Variants in TACR1 observed in about 807,000 individuals in gnomAD.
TACR1 encodes the protein tachykinin receptor 1.
TACR1 carries 25 observed loss-of-function variants against 35.8 expected under a neutral mutation model. The observed-to-expected ratio is 0.70, with a 90% CI of 0.51 to 0.98. The LOEUF (loss-of-function observed/expected upper bound fraction) is 0.98, where lower values mean the gene tolerates loss of function less well. TACR1 is among the 50% of genes least tolerant of loss of function. The pLI is 0.00. For synonymous variants in TACR1, 195 were observed against 206.7 expected (o/e 0.94, Z 0.48); for missense variants, 478 against 522.9 (o/e 0.91, Z 0.84).
intron 2 of TACR1, among the ~76,000 whole-genome samples, chr2:75,077,975 C>T (rs538115789): frequency 6.6e-6 from 1 of 152,366 alleles, no homozygotes; most frequent in South Asian, 2.1e-4. Flanking sequence ...TGCATTACCT[C>T]TTCTGGAGAA....
chr2:75,127,605 A>T (rs911543316), intron 1 of TACR1, among the ~76,000 whole-genome samples: 19 of 152,316 alleles, frequency 1.2e-4, no homozygotes, highest in African/African-American at 4.6e-4. Flanking sequence ...GTTTAGGGTA[A>T]AGTGAAGGAG....
At chr2:75,086,687 A>G (rs1345715080) in intron 2 of TACR1, among the ~76,000 whole-genome samples, 2 of 152,170 alleles carry the variant, frequency 1.3e-5, no homozygotes, top group Non-Finnish European at 2.9e-5. Flanking sequence ...TATGAGAGAC[A>G]CTTCAAAGGA....
At chr2:75,145,102 C>A (rs1297614304) in intron 1 of TACR1, among the ~76,000 whole-genome samples, 1 of 151,934 alleles carries the variant, frequency 6.6e-6, no homozygotes, top group Non-Finnish European at 1.5e-5. Context: ...AAAGATGATT[C>A]ACTGTTAATA....
chr2:75,071,047 C>T (rs560143412), intron 2 of TACR1, among the ~76,000 whole-genome samples: 14 of 152,070 alleles, frequency 9.2e-5, no homozygotes, highest in Non-Finnish European at 1.6e-4. Flanking sequence ...ATAAAATGTC[C>T]TTGGAACACA....
intron 2 of TACR1, among the ~76,000 whole-genome samples, chr2:75,088,510 T>C (rs1673231892): frequency 6.6e-6 from 1 of 152,182 alleles, no homozygotes; most frequent in Non-Finnish European, 1.5e-5. Flanking sequence ...GGGATAATGT[T>C]TGTTTTGTTC....
chr2:75,127,529 A>C (rs1244091621), intron 1 of TACR1, among the ~76,000 whole-genome samples: 1 of 152,166 alleles, frequency 6.6e-6, no homozygotes, highest in Non-Finnish European at 1.5e-5. Context: ...AGCTGATAGC[A>C]AGGGCGCCAT....
chr2:75,063,450 G>A (rs556888486), intron 2 of TACR1, among the ~76,000 whole-genome samples: 4 of 152,190 alleles, frequency 2.6e-5, no homozygotes, highest in African/African-American at 9.6e-5. Context: ...TAACTATTCA[G>A]CCCATTAAGG....
intron 2 of TACR1, among the ~76,000 whole-genome samples, chr2:75,072,889 G>A (rs745520685): frequency 5.9e-5 from 9 of 152,138 alleles, no homozygotes; most frequent in Non-Finnish European, 1.0e-4. Flanking sequence ...CAAAATTTGA[G>A]GATTGATGTA....
chr2:75,051,277 G>A lies in TACR1; in HGVS notation c.906C>T (p.Pro302=). ...WLAMSSTMYN[P]IIYCCLNDRF... The stretch of plus-strand genomic sequence containing the variant: ...TGTCATTGAGGCAGCAGTAGATGAT[G>A]GGGTTGTACATGGTGGAGCTCATGG... The change falls in exon 4 of 5, where the codon CCC becomes CCT. Residue 302 remains proline (P), a synonymous_variant. Transcript: ENST00000305249. The A allele has an allele frequency of 2.5e-6, 4 of 1,614,206 alleles. No homozygotes were observed. The highest frequency in any genetic ancestry group is 3.4e-6 in the Non-Finnish European group (4 of 1,180,038).
At chr2:75,086,064 T>G (rs1673182908) in intron 2 of TACR1, among the ~76,000 whole-genome samples, 1 of 152,210 alleles carries the variant, frequency 6.6e-6, no homozygotes, top group Non-Finnish European at 1.5e-5. Flanking sequence ...AAACCCAAAG[T>G]GACTATGAAA....
chr2:75,173,399 C>G (rs1675337118), intron 1 of TACR1, among the ~76,000 whole-genome samples: 2 of 152,070 alleles, frequency 1.3e-5, no homozygotes, highest in African/African-American at 4.8e-5. Flanking sequence ...TTTTTTTGAG[C>G]CTGCTTTACT....
chr2:75,177,828 C>G (rs12713837), intron 1 of TACR1, among the ~76,000 whole-genome samples: 94,503 of 152,068 alleles, frequency 0.62, 29,661 homozygotes, highest in South Asian at 0.75. Context: ...AATCTCAAGG[C>G]ATGCTTCAAC....
At chr2:75,162,011 C>G (rs1675020945) in intron 1 of TACR1, among the ~76,000 whole-genome samples, 1 of 127,358 alleles carries the variant, frequency 7.9e-6, no homozygotes, top group East Asian at 2.2e-4. Context: ...AAGGAGGAGA[C>G]CAATTGAGAT....
At chr2:75,189,759 T>C (rs1037529555) in intron 1 of TACR1, 35 of 152,256 alleles carry the variant, frequency 2.3e-4, no homozygotes, top group Admixed American at 2.2e-3. Context: ...TTTCTTCTAT[T>C]TGTAAGTCTT....
rs1025039717 is a variant in TACR1, at chr2:75,084,775, C to T, written c.585-31020G>A. ...ATTTCTGTGGGATTGGTGGTGATATCCCCTTTATCATTTTTTAATTAGTCT... is the reference window on the plus strand; with the variant it reads ...ATTTCTGTGGGATTGGTGGTGATATTCCCTTTATCATTTTTTAATTAGTCT... On this transcript the variant is annotated intron_variant, in intron 2 of 4. Transcript: ENST00000305249. Among the ~76,000 whole-genome samples, 10 of 152,144 alleles carry T rather than the reference C, an allele frequency of 6.6e-5. No homozygotes were observed. In the South Asian group the frequency reaches 1.0e-3, roughly 16 times the overall value.
At chr2:75,106,700 G>C (rs991812309) in intron 2 of TACR1, among the ~76,000 whole-genome samples, 5 of 151,788 alleles carry the variant, frequency 3.3e-5, no homozygotes, top group African/African-American at 1.2e-4. Context: ...TATAAATATT[G>C]TAAATGTTAA....
intron 2 of TACR1, among the ~76,000 whole-genome samples, chr2:75,088,592 C>G (rs1035288629): frequency 1.3e-5 from 2 of 152,084 alleles, no homozygotes; most frequent in Non-Finnish European, 2.9e-5. Context: ...TTGTTATGTT[C>G]CTCCTGCAGA....
intron 2 of TACR1, among the ~76,000 whole-genome samples, chr2:75,119,714 C>G (rs1453182143): frequency 6.6e-6 from 1 of 152,192 alleles, no homozygotes; most frequent in Non-Finnish European, 1.5e-5. Flanking sequence ...CTCATAAGGT[C>G]TCAATGCCTG....
intron 2 of TACR1, among the ~76,000 whole-genome samples, chr2:75,078,624 A>G (rs1181882370): frequency 1.3e-5 from 2 of 152,110 alleles, no homozygotes; most frequent in Non-Finnish European, 2.9e-5. Context: ...CTCCAGTCAC[A>G]TCATTTGTGC....
Sources: allele counts gnomAD v4.1 joint callset (sites outside exome capture counted in the v4.1 genomes callset), GRCh38; gene constraint gnomAD v4.1.1; transcripts MANE v1.5; gene names NCBI Gene and HGNC (gene_info 2026-07-23, HGNC 2026-07-21).